The following PGR variants were observed in gnomAD, a reference collection of about 807,000 sequenced individuals.
PGR encodes nuclear receptor subfamily 3 group C member 3.
Under a neutral mutation model 76.1 loss-of-function variants are expected in PGR, and 25 were observed. That is an observed-to-expected ratio of 0.33 (90% confidence interval 0.24 to 0.46). The LOEUF is 0.46. PGR is among the 20% of genes least tolerant of loss of function. The pLI, the probability that PGR is intolerant of heterozygous loss-of-function variation, is 1.00. For missense variants in PGR, 1,172 were observed against 1,225.3 expected, an observed-to-expected ratio of 0.96 and a Z score of 0.65; for synonymous variants, 579 against 535.0, an observed-to-expected ratio of 1.08 and a Z score of -1.14.
At chr11:101,067,766 G>A (rs375751242) in intron 3 of PGR, among the ~76,000 whole-genome samples, 2 of 152,106 alleles carry the variant, frequency 1.3e-5, no homozygotes, top group South Asian at 4.2e-4. Context: ...ATCATACAGT[G>A]TAGGAAAAAA....
chr11:101,095,991 T>C (rs1397329437), intron 2 of PGR, among the ~76,000 whole-genome samples: 1 of 152,080 alleles, frequency 6.6e-6, no homozygotes, highest in African/African-American at 2.4e-5. Flanking sequence ...TAGCAGACAA[T>C]GTATGAGGTA....
chr11:101,043,172 C>A (rs1269051575), intron 6 of PGR, among the ~76,000 whole-genome samples: 1 of 152,228 alleles, frequency 6.6e-6, no homozygotes, highest in Non-Finnish European at 1.5e-5. Context: ...TTAAGTCCTG[C>A]TGCTGCATTA....
chr11:101,054,452 C>T (rs1387995880), intron 4 of PGR, among the ~76,000 whole-genome samples: 4 of 152,086 alleles, frequency 2.6e-5, no homozygotes, highest in Non-Finnish European at 5.9e-5. Flanking sequence ...TACAATAAAT[C>T]TAATACATAA....
intron 2 of PGR, among the ~76,000 whole-genome samples, chr11:101,122,154 A>G (rs1212165879): frequency 5.2e-5 from 3 of 58,122 alleles, no homozygotes; most frequent in Non-Finnish European, 1.0e-4. Context: ...CTCCGTCTCA[A>G]AAAAAAAAAA....
chr11:101,049,494 C>G (rs745942233), intron 6 of PGR, among the ~76,000 whole-genome samples: 8 of 152,030 alleles, frequency 5.3e-5, no homozygotes, highest in Non-Finnish European at 7.4e-5. Flanking sequence ...ATTAGTATCA[C>G]CACGAACATG....
chr11:101,085,551 C>CAAAAAA (rs1861469163), intron 3 of PGR, among the ~76,000 whole-genome samples: 1 of 58,938 alleles, frequency 1.7e-5, no homozygotes, highest in African/African-American at 6.2e-5. Flanking sequence ...AAAAAAAAAA[C>CAAAAAA]AAGAACAAAC....
intron 6 of PGR, among the ~76,000 whole-genome samples, chr11:101,045,001 C>G (rs1859819404): frequency 6.6e-6 from 1 of 152,078 alleles, no homozygotes; most frequent in Admixed American, 6.5e-5. Context: ...GCCACCATGC[C>G]CAGCCTTGGC....
intron 3 of PGR, among the ~76,000 whole-genome samples, chr11:101,070,480 T>C (rs1472507623): frequency 6.6e-6 from 1 of 152,106 alleles, no homozygotes; most frequent in African/African-American, 2.4e-5. Context: ...ACAGAACCAT[T>C]CACTCCCCTG....
chr11:101,035,704 A>G lies in PGR; in HGVS notation c.*3412T>C, dbSNP rs1238086579. ...ATGGAAGAGTGATAGGCTCTTTAGAACTTTGATAAAACAGGCCCTAAACTC... is the reference window on the plus strand; with the variant it reads ...ATGGAAGAGTGATAGGCTCTTTAGAGCTTTGATAAAACAGGCCCTAAACTC... On this transcript the variant is annotated 3_prime_UTR_variant, in exon 8 of 8. Coordinates refer to ENST00000325455, the MANE Select transcript of PGR (RefSeq NM_000926.4). 4.3e-6 allele frequency: 1 copy of G among 231,664 alleles called. No homozygotes were observed. The highest frequency in any genetic ancestry group is 6.1e-5 in the East Asian group (1 of 16,334). 14.4% of individuals were successfully genotyped at this position (231,664 alleles called of 1,614,324 possible).
intron 5 of PGR, 32 bp from the exon 6 acceptor site, chr11:101,050,091 G>C: frequency 1.2e-6 from 2 of 1,608,794 alleles, no homozygotes; most frequent in South Asian, 2.2e-5. Flanking sequence ...AAAAGAAAAA[G>C]CAACAGGAAA....
chr11:101,107,865 T>TAAAAAAAAAAAAAAAAAAAAAA lies in PGR; in HGVS notation c.1790-15990_1790-15989insTTTTTTTTTTTTTTTTTTTTTT, dbSNP rs56355097. Among the ~76,000 whole-genome samples, 161 of 119,150 alleles carry TAAAAAAAAAAAAAAAAAAAAAA rather than the reference T, an allele frequency of 1.4e-3. 4 individuals carry two copies. Among genetic ancestry groups the TAAAAAAAAAAAAAAAAAAAAAA allele is most frequent in the African/African-American group, 4.4e-3 (132 of 30,232 alleles). The allele number at this position is 119,150 out of a possible 152,430, so 78.2% of individuals were successfully genotyped here. Reference sequence around the variant, plus strand: ...CCAGTCTTACTTGAAACTGGCTTTGTAAAAAAAAAAAAAAAGAAAGAAAAA... The same window carrying TAAAAAAAAAAAAAAAAAAAAAA: ...CCAGTCTTACTTGAAACTGGCTTTGTAAAAAAAAAAAAAAAAAAAAAAAAAAAAAAAAAAAAAGAAAGAAAAA... On this transcript the variant is annotated intron_variant, in intron 2 of 7. Transcript: ENST00000325455.
At position 101,128,093 on chromosome 11, in the gene PGR, G is replaced by A. The variant is rs747665672; in HGVS notation, c.978C>T (p.Asp326=). The change falls in exon 1 of 8, where the codon GAC becomes GAT. Residue 326 remains aspartate (D), a synonymous_variant. Coordinates refer to ENST00000325455, the MANE Select transcript of PGR (RefSeq NM_000926.4). ...LAARTRQLLE[D]ESYDGGAGAA... ...CCCCGGCCCCGCCGTCGTAACTTTC[G>A]TCTTCCAGCAGCTGCCGAGTGCGGG... is the stretch of plus-strand genomic sequence containing the variant. The A allele has an allele frequency of 4.8e-5, 77 of 1,599,764 alleles. No homozygotes were observed. Among genetic ancestry groups the A allele is most frequent in the Non-Finnish European group, 6.4e-5 (75 of 1,179,700 alleles).
chr11:101,110,564 G>A (rs893812946), intron 2 of PGR, among the ~76,000 whole-genome samples: 1 of 152,168 alleles, frequency 6.6e-6, no homozygotes, highest in Non-Finnish European at 1.5e-5. Context: ...AGCAAAGAAA[G>A]CGGTTTCTTG....
chr11:101,083,040 G>C (rs1483965153), intron 3 of PGR, among the ~76,000 whole-genome samples: 1 of 152,186 alleles, frequency 6.6e-6, no homozygotes, highest in East Asian at 1.9e-4. Context: ...AGGGATTAAT[G>C]GTTTTGAGGG....
intron 2 of PGR, among the ~76,000 whole-genome samples, chr11:101,098,064 C>A (rs985838299): frequency 3.9e-5 from 6 of 152,000 alleles, no homozygotes; most frequent in African/African-American, 1.5e-4. Context: ...GCGTGAGCCA[C>A]CGTGCCCAGC....
At chr11:101,092,310 T>G (rs572608457) in intron 2 of PGR, among the ~76,000 whole-genome samples, 2 of 152,264 alleles carry the variant, frequency 1.3e-5, no homozygotes, top group East Asian at 3.9e-4. Flanking sequence ...TGAAGAGGCC[T>G]CTGGAAAAGA....
intron 2 of PGR, among the ~76,000 whole-genome samples, chr11:101,113,648 T>A (rs931102130): frequency 6.6e-6 from 1 of 152,158 alleles, no homozygotes; most frequent in Non-Finnish European, 1.5e-5. Flanking sequence ...CATATCCTTT[T>A]ATAAAGGAAA....
chr11:101,067,658 T>C (rs1860765649), intron 3 of PGR, among the ~76,000 whole-genome samples: 1 of 152,070 alleles, frequency 6.6e-6, no homozygotes, highest in Non-Finnish European at 1.5e-5. Flanking sequence ...TGTAAAATAA[T>C]GTTCACAATT....
chr11:101,093,440 A>T (rs1334784115), intron 2 of PGR, among the ~76,000 whole-genome samples: 1 of 152,148 alleles, frequency 6.6e-6, no homozygotes, highest in Non-Finnish European at 1.5e-5. Flanking sequence ...ACAAGAAGAG[A>T]GAACAGAAAA....
Sources: allele counts gnomAD v4.1 joint callset (sites outside exome capture counted in the v4.1 genomes callset), GRCh38; gene constraint gnomAD v4.1.1; transcripts MANE v1.5; gene names NCBI Gene and HGNC (gene_info 2026-07-23, HGNC 2026-07-21).